DNAJC13: variants seen among roughly 807,000 people sequenced by gnomAD.
DNAJC13 encodes the protein DnaJ heat shock protein family (Hsp40) member C13, also known as dnaJ homolog subfamily C member 13.
DNAJC13 carries 75 observed loss-of-function variants against 290.5 expected under a neutral mutation model. That is an observed-to-expected ratio of 0.26 (90% confidence interval 0.21 to 0.31). The LOEUF is 0.31. DNAJC13 is among the 10% of genes least tolerant of loss of function. The pLI is 1.00. For missense variants in DNAJC13, 2,260 were observed against 2,674.5 expected (o/e 0.85, Z 3.42); for synonymous variants, 862 against 892.0 (o/e 0.97, Z 0.60).
intron 22 of DNAJC13, 87 bp downstream of exon 22, chr3:132,475,172 T>A: frequency 2.0e-6 from 2 of 988,106 alleles, no homozygotes; most frequent in Non-Finnish European, 1.4e-6. Flanking sequence ...AAATTTGTAA[T>A]TACATATCTG....
intron 48 of DNAJC13, among the ~76,000 whole-genome samples, chr3:132,517,624 G>A (rs1218025098): frequency 1.3e-5 from 2 of 151,896 alleles, no homozygotes; most frequent in Admixed American, 6.6e-5. Context: ...AAGCCTATTC[G>A]GACTGATATT....
At position 132,522,859 on chromosome 3, in the gene DNAJC13, G is replaced by T. The variant is rs761722353; in HGVS notation, c.5705G>T (p.Ser1902Ile). 9.3e-6 allele frequency: 15 copies of T among 1,608,574 alleles called. No individual in the cohort carries two copies. The highest frequency in any genetic ancestry group is 1.1e-5 in the Non-Finnish European group (13 of 1,178,548). The change falls in exon 49 of 56, where the codon AGC becomes ATC. Residue 1902 changes from serine to isoleucine, a missense_variant. Ser to Ile is a moderately radical substitution (Grantham distance 142, BLOSUM62 -2). This residue lies in a region of DNAJC13 where 1,494 missense variants were observed against 1,693.7 expected (regional missense o/e 0.88). Transcript: ENST00000260818. ...ATTACGTTAATGAAATTTCTACCAA[G>T]CGTTTTCATGGATGCTATGAGAGAC... is the stretch of plus-strand genomic sequence containing the variant. Reference protein sequence around the residue: ...VRITLMKFLPSVFMDAMRDNP... With the variant: ...VRITLMKFLPIVFMDAMRDNP...
intron 22 of DNAJC13, among the ~76,000 whole-genome samples, 184 bp from the exon 23 acceptor site, chr3:132,477,605 C>T (rs912742306): frequency 6.6e-6 from 1 of 152,050 alleles, no homozygotes; most frequent in African/African-American, 2.4e-5. Context: ...ATCAGCAGGT[C>T]TTACATTTAT....
chr3:132,447,435 A>G lies in DNAJC13; in HGVS notation c.259A>G (p.Thr87Ala), dbSNP rs766731400. 2.5e-6 allele frequency: 4 copies of G among 1,607,088 alleles called. No individual in the cohort carries two copies. The highest frequency in any genetic ancestry group is 2.7e-5 in the African/African-American group (2 of 74,306). ...GKKSETLKFS[T>A]EHRTELLTEA... The stretch of plus-strand genomic sequence containing the variant: ...AAAGTCAGAAACTTTAAAATTTTCT[A>G]CAGAGCACAGAACAGAACTTCTTAC... The change falls in exon 4 of 56, where the codon ACA (threonine) becomes GCA (alanine). Residue 87 changes from threonine (T) to alanine (A), a missense_variant. By Grantham distance (58) the Thr-to-Ala change is moderately conservative. Transcript: ENST00000260818.
chr3:132,418,697 T>G (rs1387218540), intron 1 of DNAJC13, among the ~76,000 whole-genome samples: 1 of 152,218 alleles, frequency 6.6e-6, no homozygotes, highest in East Asian at 1.9e-4. Context: ...TGTACAGTTA[T>G]GTTGAGCCTT....
At chr3:132,491,171 A>C in intron 32 of DNAJC13, 120 bp downstream of exon 32, 1 of 846,324 alleles carries the variant, frequency 1.2e-6, no homozygotes, top group Non-Finnish European at 1.7e-6. Context: ...AAATGACAGT[A>C]ATCATTGATG....
chr3:132,483,497 A>G lies in DNAJC13; in HGVS notation c.3102A>G (p.Gly1034=), dbSNP rs768865564. ...PQLKWCLLAS[G]QAVLNETDLA... is the part of the protein sequence containing the mutation. ...TTAAGTGGTGTCTCTTAGCCAGTGGACAGGCTGTCCTGAATGAAACTGACC... is the reference window on the plus strand; with the variant it reads ...TTAAGTGGTGTCTCTTAGCCAGTGGGCAGGCTGTCCTGAATGAAACTGACC... Residue 1034 remains glycine (G), a synonymous_variant, in exon 28 of 56, where the codon GGA becomes GGG. Transcript: ENST00000260818. 4.3e-6 allele frequency: 7 copies of G among 1,614,052 alleles called. No individual in the cohort carries two copies. Among genetic ancestry groups the G allele is most frequent in the Non-Finnish European group, 5.9e-6 (7 of 1,180,014 alleles).
chr3:132,419,392 TA>T (rs933178271), intron 1 of DNAJC13, among the ~76,000 whole-genome samples: 2 of 93,100 alleles, frequency 2.1e-5, no homozygotes, highest in African/African-American at 8.0e-5. Context: ...ATACTTAAGC[TA>T]AAAAATAAAA....
At chr3:132,538,053 A>G (rs1326846651) in intron 55 of DNAJC13, 123 bp from the exon 56 acceptor site, 20 of 667,474 alleles carry the variant, frequency 3.0e-5, no homozygotes, top group Non-Finnish European at 3.9e-5. Flanking sequence ...TAATTTAGGT[A>G]ATTGAAATAG....
At chr3:132,479,817 G>A (rs950350098) in intron 25 of DNAJC13, among the ~76,000 whole-genome samples, 1 of 152,098 alleles carries the variant, frequency 6.6e-6, no homozygotes, top group Non-Finnish European at 1.5e-5. Flanking sequence ...ATGTTGAAGT[G>A]TAAGCGGATT....
At chr3:132,518,124 A>G (rs1252548880) in intron 48 of DNAJC13, among the ~76,000 whole-genome samples, 2 of 152,234 alleles carry the variant, frequency 1.3e-5, no homozygotes, top group African/African-American at 4.8e-5. Flanking sequence ...TTTGTTACAT[A>G]TGTATACATG....
chr3:132,451,351 A>C (rs1933409276), intron 6 of DNAJC13, among the ~76,000 whole-genome samples: 1 of 152,112 alleles, frequency 6.6e-6, no homozygotes, highest in Admixed American at 6.6e-5. Flanking sequence ...CTTTTTGAGA[A>C]TCTTTCATCC....
At chr3:132,503,464 A>G (rs1935487371) in intron 41 of DNAJC13, 83 bp downstream of exon 41, 1 of 1,476,960 alleles carries the variant, frequency 6.8e-7, no homozygotes, top group Non-Finnish European at 9.2e-7. Flanking sequence ...ATATTGATCT[A>G]GGGAACCTAA....
At chr3:132,450,302 T>C (rs1237832411) in intron 5 of DNAJC13, among the ~76,000 whole-genome samples, 2 of 152,136 alleles carry the variant, frequency 1.3e-5, no homozygotes, top group African/African-American at 4.8e-5. Flanking sequence ...AGAAAGTAGA[T>C]CTTTTTTCCA....
chr3:132,479,407 C>T lies in DNAJC13; in HGVS notation c.2772+118C>T, dbSNP rs988245087. Reference sequence around the variant, plus strand: ...TCTTTTCTGTCTTCTCCTTTTTAGACAGAAAGTTCTGTGTGCTCTAATCTC... The same window carrying T: ...TCTTTTCTGTCTTCTCCTTTTTAGATAGAAAGTTCTGTGTGCTCTAATCTC... On this transcript the variant is annotated intron_variant, in intron 25 of 55. Coordinates refer to ENST00000260818, the MANE Select transcript of DNAJC13 (RefSeq NM_015268.4). 11 of 700,352 alleles carry T rather than the reference C, an allele frequency of 1.6e-5. No homozygotes were observed. In the African/African-American group the frequency reaches 2.0e-4, roughly 12 times the overall value. The allele number at this position is 700,352 out of a possible 1,614,324, so 43.4% of individuals were successfully genotyped here.
chr3:132,523,695 A>G lies in DNAJC13; in HGVS notation c.6042A>G (p.Leu2014=), dbSNP rs755481733. The G allele has an allele frequency of 3.1e-6, 5 of 1,613,766 alleles. No homozygotes were observed. The Admixed American group carries it at 5.0e-5, about 16-fold the overall frequency. The change falls in exon 51 of 56, where the codon CTA becomes CTG. Residue 2014 remains leucine, a synonymous_variant. Transcript: ENST00000260818. ...TGTTAGAAAAATTAACTGAGCTCCT[A>G]GAGAAGAACAATCCTCATGTAAGCT... ...IALLEKLTEL[L]EKNNPHGETL...
At chr3:132,456,440 CTACT>C (rs751038429) in intron 10 of DNAJC13, 39 bp downstream of exon 10, 30 of 1,609,684 alleles carry the variant, frequency 1.9e-5, no homozygotes, top group Non-Finnish European at 2.5e-5. Context: ...TTCCACTCAT[CTACT>C]TAATTTAAGA....
At chr3:132,527,566 A>C (rs1359858034) in intron 53 of DNAJC13, among the ~76,000 whole-genome samples, 4 of 152,224 alleles carry the variant, frequency 2.6e-5, no homozygotes, top group African/African-American at 9.6e-5. Context: ...ATTTAACCTT[A>C]AAATGCTCAG....
At chr3:132,444,391 G>C (rs1933176333) in intron 2 of DNAJC13, among the ~76,000 whole-genome samples, 1 of 152,182 alleles carries the variant, frequency 6.6e-6, no homozygotes, top group African/African-American at 2.4e-5. Flanking sequence ...TCTTTTGACA[G>C]TATGATCTAG....
Sources: allele counts gnomAD v4.1 joint callset (sites outside exome capture counted in the v4.1 genomes callset), GRCh38; gene constraint gnomAD v4.1.1; regional missense constraint gnomAD v4.1.1; transcripts MANE v1.5; gene names NCBI Gene and HGNC (gene_info 2026-07-23, HGNC 2026-07-21).